BRINP3: variants seen among roughly 807,000 people sequenced by gnomAD.
BRINP3 encodes the protein BMP/retinoic acid inducible neural specific 3.
In BRINP3, 19 loss-of-function variants were observed where a neutral mutation model predicts 71.0. The ratio of observed to expected loss-of-function variants is 0.27; its 90% CI spans 0.19 to 0.39. The LOEUF (loss-of-function observed/expected upper bound fraction) is 0.39, where lower values mean the gene tolerates loss of function less well. Among genes scored for constraint, BRINP3 ranks in the 10% least tolerant of loss-of-function variants. The pLI is 1.00. For missense variants in BRINP3, 959 were observed against 940.8 expected (o/e 1.02, Z -0.25); for synonymous variants, 380 against 337.7 (o/e 1.13, Z -1.37).
chr1:190,173,502 A>G, intron 6 of BRINP3, among the ~76,000 whole-genome samples: 1 of 152,206 alleles, frequency 6.6e-6, no homozygotes, highest in Non-Finnish European at 1.5e-5. Context: ...CCCTTGAAGC[A>G]GCACTGGCAC....
chr1:190,475,092 G>A (rs1019919018), intron 1 of BRINP3, among the ~76,000 whole-genome samples: 1 of 151,952 alleles, frequency 6.6e-6, no homozygotes, highest in Non-Finnish European at 1.5e-5. Context: ...TCTCCCCACC[G>A]CCCTCCAGAT....
intron 7 of BRINP3, among the ~76,000 whole-genome samples, chr1:190,149,591 C>T (rs10920641): frequency 0.017 from 2,514 of 150,158 alleles, 55 homozygotes; most frequent in African/African-American, 0.058. Context: ...TCAGTGCGTG[C>T]GTGTTAGTGT....
intron 2 of BRINP3, among the ~76,000 whole-genome samples, chr1:190,365,806 G>GTATA (rs66540359): frequency 0.013 from 1,604 of 127,810 alleles, 26 homozygotes; most frequent in African/African-American, 0.032. Flanking sequence ...GAGAGCAAGT[G>GTATA]TATATATATA....
At chr1:190,200,065 C>A (rs1571341471) in intron 6 of BRINP3, among the ~76,000 whole-genome samples, 1 of 152,036 alleles carries the variant, frequency 6.6e-6, no homozygotes, top group African/African-American at 2.4e-5. Context: ...TTTTCAGAAG[C>A]TTTTCCTTAT....
intron 2 of BRINP3, among the ~76,000 whole-genome samples, chr1:190,432,247 A>G (rs995174302): frequency 1.2e-4 from 19 of 152,190 alleles, no homozygotes; most frequent in Admixed American, 5.9e-4. Flanking sequence ...TGCATCTTCA[A>G]CACAACAGTG....
At chr1:190,314,962 T>A (rs1315654079) in intron 2 of BRINP3, among the ~76,000 whole-genome samples, 1 of 152,094 alleles carries the variant, frequency 6.6e-6, no homozygotes. Flanking sequence ...ATGGACTTTA[T>A]CAGGGGGCTA....
chr1:190,393,374 TAA>T (rs1056984793), intron 2 of BRINP3, among the ~76,000 whole-genome samples: 39 of 151,620 alleles, frequency 2.6e-4, no homozygotes, highest in Middle Eastern at 3.4e-3. Context: ...GGTGCAATTC[TAA>T]AAGAGATGCT....
At chr1:190,372,509 T>A (rs1184423917) in intron 2 of BRINP3, among the ~76,000 whole-genome samples, 1 of 152,086 alleles carries the variant, frequency 6.6e-6, no homozygotes, top group Non-Finnish European at 1.5e-5. Context: ...TGTCACAAGA[T>A]CAAGACATGC....
At chr1:190,157,010 T>C (rs1656927280) in intron 7 of BRINP3, among the ~76,000 whole-genome samples, 1 of 152,004 alleles carries the variant, frequency 6.6e-6, no homozygotes, top group Non-Finnish European at 1.5e-5. Flanking sequence ...CTCTAGTATC[T>C]GCTCAATTGC....
chr1:190,221,723 A>G (rs944013077), intron 6 of BRINP3, among the ~76,000 whole-genome samples: 4 of 152,136 alleles, frequency 2.6e-5, no homozygotes, highest in Non-Finnish European at 5.9e-5. Context: ...GGGTGGAAAA[A>G]GATACTCGAT....
chr1:190,320,139 C>A (rs574377350), intron 2 of BRINP3, among the ~76,000 whole-genome samples: 22 of 151,928 alleles, frequency 1.4e-4, no homozygotes, highest in Non-Finnish European at 3.1e-4. Flanking sequence ...GATTGATATA[C>A]ACAGGGTTAA....
At chr1:190,439,890 C>T (rs1674704190) in intron 2 of BRINP3, among the ~76,000 whole-genome samples, 1 of 151,728 alleles carries the variant, frequency 6.6e-6, no homozygotes, top group South Asian at 2.1e-4. Context: ...TTTTAATTCT[C>T]ATTTTGATTC....
chr1:190,441,085 C>T (rs984765532), intron 2 of BRINP3, among the ~76,000 whole-genome samples: 1 of 151,730 alleles, frequency 6.6e-6, no homozygotes, highest in Non-Finnish European at 1.5e-5. Context: ...CTGTAAAATA[C>T]TTGAATGTTA....
chr1:190,466,610 A>T (rs937482997), intron 1 of BRINP3, among the ~76,000 whole-genome samples: 107 of 151,844 alleles, frequency 7.0e-4, no homozygotes, highest in Admixed American at 2.5e-3. Context: ...CAACATTTTT[A>T]ACCGAGGAAT....
chr1:190,300,193 G>C (rs1287032770), intron 2 of BRINP3, among the ~76,000 whole-genome samples: 1 of 152,142 alleles, frequency 6.6e-6, no homozygotes, highest in Non-Finnish European at 1.5e-5. Flanking sequence ...ACACCAATCA[G>C]ACATAGATTT....
intron 1 of BRINP3, among the ~76,000 whole-genome samples, chr1:190,463,480 G>T (rs1383748015): frequency 1.3e-5 from 2 of 151,270 alleles, no homozygotes; most frequent in African/African-American, 4.8e-5. Flanking sequence ...GAAATATCCT[G>T]GGTACAAAAA....
intron 2 of BRINP3, among the ~76,000 whole-genome samples, chr1:190,376,694 A>C (rs1242364915): frequency 6.6e-6 from 1 of 152,036 alleles, no homozygotes; most frequent in African/African-American, 2.4e-5. Flanking sequence ...CTTCCAAAAA[A>C]TACTGTTATG....
intron 4 of BRINP3, among the ~76,000 whole-genome samples, chr1:190,264,587 G>A (rs1479151231): frequency 6.6e-6 from 1 of 152,002 alleles, no homozygotes; most frequent in East Asian, 1.9e-4. Flanking sequence ...TTTTGTGAGG[G>A]AGTCTGTGTA....
rs148038883 is a variant in BRINP3, at chr1:190,288,394, T to C, written c.237-6644A>G. On this transcript the variant is annotated intron_variant, in intron 2 of 7. Transcript: ENST00000367462. ...CATTATCTTCATTAATAGATATAAA[T>C]ATTTGCATTTGTGAATATATTTTAT... Among the ~76,000 whole-genome samples the C allele has an allele frequency of 5.2e-3, 797 of 152,140 alleles. 5 individuals are homozygous for C. Among genetic ancestry groups the C allele is most frequent in the African/African-American group, 0.019 (770 of 41,560 alleles).
Sources: allele counts gnomAD v4.1 joint callset (sites outside exome capture counted in the v4.1 genomes callset), GRCh38; gene constraint gnomAD v4.1.1; transcripts MANE v1.5; gene names NCBI Gene and HGNC (gene_info 2026-07-23, HGNC 2026-07-21).